The following ZDHHC7 variants were observed in gnomAD, a reference collection of about 807,000 sequenced individuals.
The protein encoded by ZDHHC7 is zDHHC palmitoyltransferase 7, also known as palmitoyltransferase ZDHHC7.
Under a neutral mutation model 34.1 loss-of-function variants are expected in ZDHHC7, and 12 were observed. The observed-to-expected ratio is 0.35, with a 90% confidence interval of 0.23 to 0.57. The LOEUF (loss-of-function observed/expected upper bound fraction) is 0.57, where lower values mean the gene tolerates loss of function less well. Ranked by LOEUF, ZDHHC7 falls within the 20% of genes least tolerant of loss-of-function variation. The probability of loss-of-function intolerance (pLI) is 0.84; values close to 1 mark genes in which losing one functional copy is unlikely to be tolerated. For missense variants in ZDHHC7, 388 were observed against 402.7 expected, an observed-to-expected ratio of 0.96 and a Z score of 0.31; for synonymous variants, 185 against 155.4, an observed-to-expected ratio of 1.19 and a Z score of -1.42.
At chr16:85,026,059 A>G in the ZDHHC7 span, among the ~76,000 whole-genome samples, 2 of 152,208 alleles carry the variant, frequency 1.3e-5, no homozygotes, top group Admixed American at 1.3e-4. Context: ...AGGTCAGAAA[A>G]CCTTCTACGA....
chr16:85,011,076 G>C (rs1288127004), intron 1 of ZDHHC7, among the ~76,000 whole-genome samples: 2 of 152,250 alleles, frequency 1.3e-5, no homozygotes, highest in African/African-American at 4.8e-5. Context: ...CCTATCCCGA[G>C]AGAGCAACTA....
At chr16:85,012,213 T>G (rs2072803789), upstream of ZDHHC7, among the ~76,000 whole-genome samples, 1 of 151,534 alleles carries the variant, frequency 6.6e-6, no homozygotes, top group Admixed American at 6.6e-5. Context: ...TGAAATTCCG[T>G]TTCTATTAAA....
intron 1 of ZDHHC7, among the ~76,000 whole-genome samples, chr16:85,000,262 C>A (rs1339877843): frequency 1.3e-5 from 2 of 152,088 alleles, no homozygotes; most frequent in African/African-American, 2.4e-5. Flanking sequence ...TGCAAGGGTG[C>A]GGCACAAGGC....
chr16:85,011,678 A>G (rs2072796170), upstream of ZDHHC7: 3 of 152,370 alleles, frequency 2.0e-5, no homozygotes, highest in African/African-American at 2.4e-5. Context: ...TTTTAGTCAC[A>G]GCCCCTCTCG....
At chr16:84,985,361 C>T (rs1436592116) in intron 3 of ZDHHC7, among the ~76,000 whole-genome samples, 1 of 152,242 alleles carries the variant, frequency 6.6e-6, no homozygotes, top group South Asian at 2.1e-4. Context: ...TCCACCCCAG[C>T]TCCCTGTCAT....
intron 2 of ZDHHC7, among the ~76,000 whole-genome samples, chr16:84,995,702 C>T (rs2072568189): frequency 6.6e-6 from 1 of 152,196 alleles, no homozygotes; most frequent in African/African-American, 2.4e-5. Context: ...TCTTGTGATA[C>T]TGGCCAAGAA....
At chr16:84,977,356 G>A in intron 6 of ZDHHC7, 131 bp from the exon 7 acceptor site, 1 of 1,192,276 alleles carries the variant, frequency 8.4e-7, no homozygotes. Flanking sequence ...CTTTCTAAAT[G>A]GGCACATTCA....
chr16:85,004,433 A>G (rs1244153761), intron 1 of ZDHHC7, among the ~76,000 whole-genome samples: 2 of 152,000 alleles, frequency 1.3e-5, no homozygotes, highest in East Asian at 1.9e-4. Flanking sequence ...TCCCCCATGC[A>G]GCACCCAGAG....
chr16:85,025,692 G>C, the ZDHHC7 span, among the ~76,000 whole-genome samples: 1 of 152,194 alleles, frequency 6.6e-6, no homozygotes, highest in East Asian at 1.9e-4. Flanking sequence ...ACAGGCGTCA[G>C]CCACCGCGCC....
At chr16:85,002,133 G>T (rs977064288) in intron 1 of ZDHHC7, among the ~76,000 whole-genome samples, 1 of 152,078 alleles carries the variant, frequency 6.6e-6, no homozygotes, top group East Asian at 1.9e-4. Context: ...AAACATGCAC[G>T]AGTCCAGACT....
rs753441346 is a variant in ZDHHC7, at chr16:84,979,216, C to A, written c.510G>T (p.Lys170Asn). 9.8e-5 allele frequency: 157 copies of A among 1,600,050 alleles called. No homozygotes were observed. The highest frequency in any genetic ancestry group is 1.7e-6 in the Non-Finnish European group (2 of 1,176,508). The change falls in exon 5 of 8, where the codon AAG (lysine) becomes AAT (asparagine). Residue 170 changes from lysine (K) to asparagine (N), a missense_variant. By Grantham distance (94) the Lys-to-Asn change is moderately conservative. Coordinates refer to ENST00000313732, the MANE Select transcript of ZDHHC7 (RefSeq NM_017740.3). ...CPWVNNCVGE[K>N]NQRFFVLFTM... ...TGAAGAGCACAAAAAATCTTTGATTCTTTTCTCCTACACAATTGTTCACCC... is the reference window on the plus strand; with the variant it reads ...TGAAGAGCACAAAAAATCTTTGATTATTTTCTCCTACACAATTGTTCACCC...
upstream of ZDHHC7, among the ~76,000 whole-genome samples, chr16:85,013,278 TG>T (rs1456827344): frequency 6.6e-6 from 1 of 152,236 alleles, no homozygotes; most frequent in African/African-American, 2.4e-5. Context: ...AGTCTCGCTC[TG>T]TCTCCCAGGC....
chr16:85,024,891 A>C, the ZDHHC7 span, among the ~76,000 whole-genome samples: 1 of 152,226 alleles, frequency 6.6e-6, no homozygotes, highest in Non-Finnish European at 1.5e-5. Context: ...GCTTTTGCTG[A>C]AAGTATTGAA....
At chr16:85,008,832 G>C (rs1302764363) in intron 1 of ZDHHC7, among the ~76,000 whole-genome samples, 1 of 151,470 alleles carries the variant, frequency 6.6e-6, no homozygotes, top group African/African-American at 2.4e-5. Context: ...GATCACCAGA[G>C]GTCAGGAGTT....
At chr16:84,997,896 A>T (rs1325465177) in intron 1 of ZDHHC7, among the ~76,000 whole-genome samples, 2 of 53,418 alleles carry the variant, frequency 3.7e-5, no homozygotes, top group African/African-American at 1.1e-4. Context: ...GACTCCGTCT[A>T]AAAAAAAAAA....
chr16:84,978,576 T>A (rs1043776774), intron 5 of ZDHHC7, among the ~76,000 whole-genome samples: 1 of 147,360 alleles, frequency 6.8e-6, no homozygotes, highest in Non-Finnish European at 1.5e-5. Context: ...TATAAAAAAA[T>A]AAACGGCCGG....
At chr16:85,025,483 A>G in the ZDHHC7 span, among the ~76,000 whole-genome samples, 14 of 151,990 alleles carry the variant, frequency 9.2e-5, no homozygotes, top group Non-Finnish European at 1.5e-5. Context: ...ATCTCAGCTC[A>G]CTGCAACCTC....
At chr16:85,012,026 G>C (rs1251486963), upstream of ZDHHC7, among the ~76,000 whole-genome samples, 1 of 152,202 alleles carries the variant, frequency 6.6e-6, no homozygotes, top group Non-Finnish European at 1.5e-5. Context: ...GAGGGACTTG[G>C]ACACTAGAGC....
intron 4 of ZDHHC7, 113 bp from the exon 5 acceptor site, chr16:84,979,398 T>C (rs936324421): frequency 1.8e-4 from 250 of 1,379,942 alleles, no homozygotes; most frequent in Non-Finnish European, 2.3e-4. Context: ...TAATACAACA[T>C]GTCAAAAAAT....
Sources: allele counts gnomAD v4.1 joint callset (sites outside exome capture counted in the v4.1 genomes callset), GRCh38; gene constraint gnomAD v4.1.1; transcripts MANE v1.5; gene names NCBI Gene and HGNC (gene_info 2026-07-23, HGNC 2026-07-21).